The following STPG2 variants were observed in gnomAD, a reference collection of about 807,000 sequenced individuals.
The protein encoded by STPG2 is sperm-tail PG-rich repeat-containing protein 2.
A neutral mutation model predicts 54.2 loss-of-function variants in STPG2; 56 were observed. The observed-to-expected ratio is 1.03, with a 90% CI of 0.83 to 1.29. The LOEUF (loss-of-function observed/expected upper bound fraction) is 1.29. Among genes scored for constraint, STPG2 ranks in the 50% most tolerant of loss-of-function variants. The pLI is 0.00. For missense variants in STPG2, 596 were observed against 544.9 expected (o/e 1.09, Z -0.93); for synonymous variants, 200 against 181.8 (o/e 1.10, Z -0.81).
intron 4 of STPG2, among the ~76,000 whole-genome samples, chr4:97,474,828 C>G (rs1730031942): frequency 6.6e-6 from 1 of 152,114 alleles, no homozygotes; most frequent in African/African-American, 2.4e-5. Context: ...TAGCAAATAA[C>G]TTTTTGTGTG....
chr4:98,135,909 C>T (rs1246970218), intron 1 of STPG2, among the ~76,000 whole-genome samples: 1 of 151,732 alleles, frequency 6.6e-6, no homozygotes, highest in Non-Finnish European at 1.5e-5. Context: ...TAAATACACA[C>T]ACATACACAC....
At chr4:97,557,169 G>C (rs1339824914), downstream of STPG2, among the ~76,000 whole-genome samples, 1 of 151,396 alleles carries the variant, frequency 6.6e-6, no homozygotes, top group African/African-American at 2.4e-5. Flanking sequence ...GATACAGCGA[G>C]ACTCCATCAA....
At chr4:97,641,529 C>T (rs1006203363) in intron 10 of STPG2, among the ~76,000 whole-genome samples, 5 of 151,158 alleles carry the variant, frequency 3.3e-5, no homozygotes, top group South Asian at 2.1e-4. Flanking sequence ...ATGTTGTAAC[C>T]AATATCAAAG....
intron 6 of STPG2, among the ~76,000 whole-genome samples, chr4:97,978,858 T>A (rs1734578375): frequency 6.6e-6 from 1 of 152,136 alleles, no homozygotes; most frequent in African/African-American, 2.4e-5. Context: ...CTGTAAGACC[T>A]TTAGAAATAT....
intron 9 of STPG2, among the ~76,000 whole-genome samples, chr4:97,751,853 T>A (rs1322375057): frequency 1.3e-5 from 2 of 151,694 alleles, no homozygotes; most frequent in African/African-American, 4.8e-5. Context: ...TAATTAGGAC[T>A]TCTAATTACT....
intron 5 of STPG2, among the ~76,000 whole-genome samples, chr4:97,981,907 CG>C (rs1734692854): frequency 7.1e-6 from 1 of 141,528 alleles, no homozygotes; most frequent in Non-Finnish European, 1.5e-5. Flanking sequence ...TTTTTTGAGA[CG>C]GAGTCTCGCT....
downstream of STPG2, among the ~76,000 whole-genome samples, chr4:97,556,161 A>C (rs1732073508): frequency 6.6e-6 from 1 of 152,170 alleles, no homozygotes; most frequent in South Asian, 2.1e-4. Flanking sequence ...TCCTACATAC[A>C]TTCGCAGGAA....
chr4:97,929,057 C>T (rs916906300), intron 8 of STPG2, among the ~76,000 whole-genome samples: 1 of 152,210 alleles, frequency 6.6e-6, no homozygotes, highest in Admixed American at 6.5e-5. Flanking sequence ...CAAGTAGACC[C>T]AGTGTGTACT....
At chr4:97,961,772 G>C (rs1241590334) in intron 7 of STPG2, among the ~76,000 whole-genome samples, 1 of 152,132 alleles carries the variant, frequency 6.6e-6, no homozygotes, top group Non-Finnish European at 1.5e-5. Flanking sequence ...ACGTAAACTA[G>C]TACAACCACT....
chr4:97,862,600 T>G (rs1230049739), intron 8 of STPG2, among the ~76,000 whole-genome samples: 1 of 152,098 alleles, frequency 6.6e-6, no homozygotes, highest in Non-Finnish European at 1.5e-5. Flanking sequence ...GCAGACCTAA[T>G]AGACATCTGC....
intron 9 of STPG2, among the ~76,000 whole-genome samples, chr4:97,824,730 A>C (rs1315965559): frequency 1.3e-5 from 2 of 152,212 alleles, no homozygotes; most frequent in African/African-American, 2.4e-5. Flanking sequence ...TCACAAGCTC[A>C]AAATTGGCTG....
chr4:97,810,115 C>CA (rs1020242035), intron 9 of STPG2, among the ~76,000 whole-genome samples: 4 of 152,134 alleles, frequency 2.6e-5, no homozygotes, highest in African/African-American at 4.8e-5. Flanking sequence ...GGTGAATTAA[C>CA]AAAAAATGTT....
chr4:97,840,327 A>G (rs1226303544), intron 9 of STPG2, among the ~76,000 whole-genome samples: 1 of 151,578 alleles, frequency 6.6e-6, no homozygotes, highest in Non-Finnish European at 1.5e-5. Flanking sequence ...TGACTTTATT[A>G]GCTTTAGTAA....
At chr4:97,576,027 A>T (rs1456370415) in intron 10 of STPG2, among the ~76,000 whole-genome samples, 1 of 152,014 alleles carries the variant, frequency 6.6e-6, no homozygotes, top group African/African-American at 2.4e-5. Flanking sequence ...CCACATGCAT[A>T]AAAAAATCTA....
intron 7 of STPG2, among the ~76,000 whole-genome samples, chr4:97,945,047 C>T (rs1733149624): frequency 6.6e-6 from 1 of 152,104 alleles, no homozygotes; most frequent in East Asian, 1.9e-4. Context: ...TGAAAAATAA[C>T]TTATTTTTAT....
chr4:97,840,125 C>T (rs971516369), intron 9 of STPG2, among the ~76,000 whole-genome samples: 3 of 151,388 alleles, frequency 2.0e-5, no homozygotes, highest in Non-Finnish European at 4.4e-5. Context: ...ATTGTAAATG[C>T]TCAAATAAAT....
chr4:97,624,132 A>G (rs1180523181), intron 10 of STPG2, among the ~76,000 whole-genome samples: 2 of 152,204 alleles, frequency 1.3e-5, no homozygotes, highest in Non-Finnish European at 2.9e-5. Flanking sequence ...AGAATGATTT[A>G]TATTCCTTTG....
intron 5 of STPG2, among the ~76,000 whole-genome samples, chr4:98,016,463 G>A (rs1383602517): frequency 1.3e-5 from 2 of 150,614 alleles, no homozygotes; most frequent in Non-Finnish European, 3.0e-5. Flanking sequence ...TTTTCTTTTT[G>A]TTTCTCTAAC....
At position 97,473,563 on chromosome 4, in the gene STPG2, T is replaced by C. The variant is rs2175600; in HGVS notation, c.462+239136A>G. Among the ~76,000 whole-genome samples the C allele has an allele frequency of 5.0e-3, 754 of 152,256 alleles. 4 individuals carry two copies. The highest frequency in any genetic ancestry group is 0.02 in the Middle Eastern group (6 of 294). The stretch of plus-strand genomic sequence containing the variant: ...ATCAATGACAATGCGTGCCCGAAAC[T>C]TCATTAACAATTTTAATTTTGCCCC... On this transcript the variant is annotated intron_variant, in intron 4 of 4. Coordinates refer to the STPG2 transcript ENST00000522676.
Sources: allele counts gnomAD v4.1 joint callset (sites outside exome capture counted in the v4.1 genomes callset), GRCh38; gene constraint gnomAD v4.1.1; transcripts MANE v1.5; gene names NCBI Gene and HGNC (gene_info 2026-07-23, HGNC 2026-07-21).